FAM53C: variants seen among roughly 807,000 people sequenced by gnomAD.
The protein encoded by FAM53C is protein FAM53C.
FAM53C carries 10 observed loss-of-function variants against 34.7 expected under a neutral mutation model. The observed-to-expected ratio is 0.29, with a 90% CI of 0.18 to 0.49. The LOEUF (loss-of-function observed/expected upper bound fraction) is 0.49, where lower values mean the gene tolerates loss of function less well. Among genes scored for constraint, FAM53C ranks in the 20% least tolerant of loss-of-function variants. FAM53C has a pLI of 0.99. For missense variants in FAM53C, 442 were observed against 515.3 expected (o/e 0.86, Z 1.38); for synonymous variants, 203 against 203.6 (o/e 1.00, Z 0.03).
chr5:138,342,431 T>TA (rs974737090), intron 3 of FAM53C: 52 of 147,636 alleles, frequency 3.5e-4, no homozygotes, highest in Non-Finnish European at 4.4e-4. Context: ...TTTGTACCTT[T>TA]AAAAAAAAAA....
intron 4 of FAM53C, among the ~76,000 whole-genome samples, chr5:138,346,329 CAGAA>C (rs924220719): frequency 8.5e-5 from 13 of 152,320 alleles, no homozygotes; most frequent in African/African-American, 3.1e-4. Context: ...CAAATTTTGT[CAGAA>C]AGTTTACAAA....
rs1761264485 is a variant in FAM53C at position 138,349,499 on chromosome 5, G to GTGCCCAGTGAC, written c.*2550_*2560dup. On this transcript the variant is annotated 3_prime_UTR_variant, in exon 5 of 5. Coordinates refer to ENST00000239906, the MANE Select transcript of FAM53C (RefSeq NM_016605.3). ...CTCCCCAGGCTGGTGCTCTCCTCCTGTGCCCAGTGACTGCCCAGTGGCAGC... is the reference window on the plus strand; with the variant it reads ...CTCCCCAGGCTGGTGCTCTCCTCCTGTGCCCAGTGACTGCCCAGTGACTGCCCAGTGGCAGC... 1 of 152,672 alleles carries GTGCCCAGTGAC rather than the reference G, an allele frequency of 6.5e-6. No individual in the cohort carries two copies. Among genetic ancestry groups the GTGCCCAGTGAC allele is most frequent in the South Asian group, 2.1e-4 (1 of 4,830 alleles). 9.5% of individuals were successfully genotyped at this position (152,672 alleles called of 1,614,324 possible).
chr5:138,337,996 C>T, upstream of FAM53C: 2 of 1,289,596 alleles, frequency 1.6e-6, no homozygotes, highest in Non-Finnish European at 2.0e-6. Flanking sequence ...TCAAGATGTG[C>T]CTCCAACTGG....
chr5:138,346,742 G>A lies in FAM53C; in HGVS notation c.962G>A (p.Arg321Gln), dbSNP rs201985106. ...GGTCTTTGTCTCCAAGAAACAGCCC[G>A]GGAAGGCAGCAGCATCTCTCCACCA... ...SGGLCLQETA[R>Q]EGSSISPPWF... Residue 321 changes from arginine (R) to glutamine (Q), a missense_variant, in exon 5 of 5, where the codon CGG becomes CAG. Transcript: ENST00000239906. The A allele has an allele frequency of 3.4e-5, 55 of 1,614,036 alleles. No individual in the cohort carries two copies. The Middle Eastern group carries it at 5.0e-4, about 15-fold the overall frequency.
intron 1 of FAM53C, among the ~76,000 whole-genome samples, chr5:138,340,475 A>G (rs1022048498): frequency 6.6e-6 from 1 of 152,236 alleles, no homozygotes; most frequent in South Asian, 2.1e-4. Flanking sequence ...TGCTTCTATC[A>G]GAAGTTGACC....
chr5:138,338,242 C>T (rs1561738146), upstream of FAM53C: 2 of 1,174,296 alleles, frequency 1.7e-6, no homozygotes, highest in Non-Finnish European at 2.3e-6. Flanking sequence ...CTTTTAAGGG[C>T]ACCGTGGGGC....
chr5:138,345,631 G>T lies in FAM53C; in HGVS notation c.921+22G>T, dbSNP rs895434192. 1 of 1,595,610 alleles carries T rather than the reference G, an allele frequency of 6.3e-7. No homozygotes were observed. Among genetic ancestry groups the T allele is most frequent in the Admixed American group, 1.7e-5 (1 of 58,966 alleles). ...TCAGGTGGGACCAGCAAGACTAGGG[G>T]AGCTTAGATGGGAGTGTGGGGACTG... On this transcript the variant is annotated intron_variant, in intron 4 of 4. Coordinates refer to ENST00000239906, the MANE Select transcript of FAM53C (RefSeq NM_016605.3). This position sits in a 1 kb window ranked among gnomAD's most constrained non-coding sequence, Gnocchi z 6.3.
chr5:138,345,742 G>A lies in FAM53C; in HGVS notation c.921+133G>A. Reference sequence around the variant, plus strand: ...AGCACCTCCTTTAGCTCTTAGCTAGGGTGACCTACCATCCCAGTTTGCCTG... The same window carrying A: ...AGCACCTCCTTTAGCTCTTAGCTAGAGTGACCTACCATCCCAGTTTGCCTG... On this transcript the variant is annotated intron_variant, in intron 4 of 4. Coordinates refer to ENST00000239906, the MANE Select transcript of FAM53C (RefSeq NM_016605.3). The surrounding 1 kb of genome is among the most constrained non-coding windows in gnomAD (Gnocchi z 6.3). 9.3e-7 allele frequency: 1 copy of A among 1,074,536 alleles called. No homozygotes were observed. Among genetic ancestry groups the A allele is most frequent in the Non-Finnish European group, 1.3e-6 (1 of 753,826 alleles). The allele number at this position is 1,074,536 out of a possible 1,614,324, so 66.6% of individuals were successfully genotyped here. A position where few individuals can be genotyped will look rare whatever the true frequency, so the allele number is the denominator to read the frequency against.
rs570247163 is a variant in FAM53C at position 138,344,431 on chromosome 5, G to A, written c.137-394G>A. Among the ~76,000 whole-genome samples, 22 of 152,372 alleles carry A rather than the reference G, an allele frequency of 1.4e-4. No individual in the cohort carries two copies. The Middle Eastern group carries it at 0.01, about 71-fold the overall frequency. ...TCCAGGGCAAGCGTGGGGGAGGGGC[G>A]AGGGAGAGATGAGCAGGACACTCAC... On this transcript the variant is annotated intron_variant, in intron 3 of 4. Transcript: ENST00000239906.
intron 1 of FAM53C, among the ~76,000 whole-genome samples, chr5:138,339,246 A>T (rs971393629): frequency 6.6e-6 from 1 of 152,142 alleles, no homozygotes; most frequent in African/African-American, 2.4e-5. Context: ...ACTTTTTTCA[A>T]TGCCTGCTTG....
At chr5:138,337,831 G>T, upstream of FAM53C, 1 of 535,932 alleles carries the variant, frequency 1.9e-6, no homozygotes, top group Non-Finnish European at 3.0e-6. Flanking sequence ...AGGTGGTCGT[G>T]GAGGGCGGGG....
At chr5:138,341,553 C>A in intron 2 of FAM53C, 140 bp downstream of exon 2, 1 of 882,972 alleles carries the variant, frequency 1.1e-6, no homozygotes, top group South Asian at 1.5e-5. Context: ...GGCTCAAAAC[C>A]CAGCCCAAAA....
chr5:138,345,240 A>C lies in FAM53C; in HGVS notation c.552A>C (p.Pro184=), dbSNP rs377295313. 8.6e-5 allele frequency: 139 copies of C among 1,614,036 alleles called. 1 individual carries two copies. Among genetic ancestry groups the C allele is most frequent in the Non-Finnish European group, 1.8e-5 (21 of 1,180,026 alleles). ...QAPSASSQCA[P]AHRPYSPPFF... ...CCAGTGCCTCTTCTCAATGTGCCCCAGCTCACAGACCCTACAGCCCTCCTT... is the reference window on the plus strand; with the variant it reads ...CCAGTGCCTCTTCTCAATGTGCCCCCGCTCACAGACCCTACAGCCCTCCTT... Residue 184 remains proline (P), a synonymous_variant, in exon 4 of 5, where the codon CCA becomes CCC. Coordinates refer to ENST00000239906, the MANE Select transcript of FAM53C (RefSeq NM_016605.3). The surrounding 1 kb of genome is among the most constrained non-coding windows in gnomAD (Gnocchi z 6.3).
chr5:138,344,837 G>C lies in FAM53C; in HGVS notation c.149G>C (p.Trp50Ser). The change falls in exon 4 of 5, where the codon TGG (tryptophan) becomes TCG (serine). Residue 50 changes from tryptophan to serine, a missense_variant. Trp to Ser is a radical substitution (Grantham distance 177). Transcript: ENST00000239906. ...AAATGCCTTCCAGAAGGTGCTTCCT[G>C]GAGGGGCCTGCCCCACTGTTCCTGT... is the stretch of plus-strand genomic sequence containing the variant. ...SFQLVSEGAS[W>S]RGLPHCSCAE... 1 of 1,545,236 alleles carries C rather than the reference G, an allele frequency of 6.5e-7. No individual in the cohort carries two copies. Among genetic ancestry groups the C allele is most frequent in the Non-Finnish European group, 8.7e-7 (1 of 1,147,516 alleles).
chr5:138,338,452 C>T (rs901642883), intron 1 of FAM53C, 145 bp downstream of exon 1: 2 of 329,554 alleles, frequency 6.1e-6, no homozygotes, highest in Non-Finnish European at 1.2e-5. Flanking sequence ...GCACGGGACC[C>T]GGTGGGGGAG....
intron 3 of FAM53C, among the ~76,000 whole-genome samples, chr5:138,343,914 G>A (rs1326061772): frequency 1.3e-5 from 2 of 152,188 alleles, no homozygotes; most frequent in Non-Finnish European, 2.9e-5. Flanking sequence ...CACTCAGTAT[G>A]AATTTTGCCA....
chr5:138,338,595 C>A (rs958144274), intron 1 of FAM53C, among the ~76,000 whole-genome samples: 1 of 150,056 alleles, frequency 6.7e-6, no homozygotes, highest in African/African-American at 2.4e-5. Context: ...GCGCACCCCC[C>A]CCCCCGCCCC....
Position 138,347,364 on chromosome 5 carries a change from G to C in FAM53C, c.*405G>C, listed in dbSNP as rs758915148. The C allele has an allele frequency of 1.8e-4, 48 of 271,934 alleles. No homozygotes were observed. Among genetic ancestry groups the C allele is most frequent in the Admixed American group, 1.3e-3 (26 of 19,718 alleles). 16.8% of individuals were successfully genotyped at this position (271,934 alleles called of 1,614,324 possible). ...TTGAGTCAGCCTCCTCAGAGAAACT[G>C]CGTGAGAGTGTGTGCGTGCATGGGA... On this transcript the variant is annotated 3_prime_UTR_variant, in exon 5 of 5. Coordinates refer to ENST00000239906, the MANE Select transcript of FAM53C (RefSeq NM_016605.3).
intron 1 of FAM53C, among the ~76,000 whole-genome samples, chr5:138,338,593 C>G (rs1014893757): frequency 2.0e-5 from 3 of 148,184 alleles, no homozygotes; most frequent in African/African-American, 7.4e-5. Flanking sequence ...TGGCGCACCC[C>G]CCCCCCCGCC....
Sources: allele counts gnomAD v4.1 joint callset (sites outside exome capture counted in the v4.1 genomes callset), GRCh38; gene constraint gnomAD v4.1.1; non-coding constraint Gnocchi (gnomAD v3.1); transcripts MANE v1.5; gene names NCBI Gene and HGNC (gene_info 2026-07-23, HGNC 2026-07-21).